PRH1: variants seen among roughly 807,000 people sequenced by gnomAD.
The protein encoded by PRH1 is proline rich protein HaeIII subfamily 1.
Under a neutral mutation model 7.9 loss-of-function variants are expected in PRH1, and 7 were observed. That is an observed-to-expected ratio of 0.89 (90% CI 0.50 to 1.67). The LOEUF is 1.67. PRH1 is among the 40% of genes most tolerant of loss of function. The pLI, the probability that PRH1 is intolerant of heterozygous loss-of-function variation, is 0.00. For synonymous variants in PRH1, 45 were observed against 80.8 expected, an observed-to-expected ratio of 0.56 and a Z score of 2.38; for missense variants, 109 against 223.6, an observed-to-expected ratio of 0.49 and a Z score of 3.27.
At chr12:11,078,120 G>C in intron 1 of PRH1, 2 of 618,806 alleles carry the variant, frequency 3.2e-6, no homozygotes, top group Admixed American at 4.5e-5. Context: ...CAGCTGAGGA[G>C]ATCTTTCGTG....
chr12:11,134,125 C>CAA (rs771093086), intron 1 of PRH1: 2 of 1,614,014 alleles, frequency 1.2e-6, no homozygotes, highest in East Asian at 4.5e-5. Flanking sequence ...CAAAGGAGAT[C>CAA]TTTTGTCTCT....
intron 2 of PRH1, among the ~76,000 whole-genome samples, chr12:10,926,650 G>C (rs555317541): frequency 6.6e-6 from 1 of 152,190 alleles, no homozygotes; most frequent in Non-Finnish European, 1.5e-5. Context: ...CTCCAGGAGA[G>C]AGCATTGTGG....
intron 2 of PRH1, among the ~76,000 whole-genome samples, chr12:10,949,230 C>T (rs550435003): frequency 6.6e-6 from 1 of 152,168 alleles, no homozygotes; most frequent in Non-Finnish European, 1.5e-5. Flanking sequence ...TCAGCAAACA[C>T]TCAGTGCAGT....
At chr12:10,961,312 G>A (rs115944869) in intron 2 of PRH1, among the ~76,000 whole-genome samples, 2,354 of 150,964 alleles carry the variant, frequency 0.016, 76 homozygotes, top group South Asian at 0.031. Context: ...AGGAGATTGA[G>A]AAGAGGTGCC....
chr12:11,166,057 A>C (rs1947569320), intron 1 of PRH1: 2 of 152,264 alleles, frequency 1.3e-5, no homozygotes, highest in African/African-American at 2.4e-5. Context: ...CCACAACAAG[A>C]AAAACTGCCT....
At chr12:10,905,214 A>ATT (rs113928687) in intron 2 of PRH1, among the ~76,000 whole-genome samples, 3 of 144,540 alleles carry the variant, frequency 2.1e-5, no homozygotes, top group Non-Finnish European at 3.1e-5. Context: ...GGTCTAATCC[A>ATT]TTTTTTTTTT....
chr12:10,895,237 A>G (rs1293652717), intron 2 of PRH1: 1 of 152,198 alleles, frequency 6.6e-6, no homozygotes, highest in Non-Finnish European at 1.5e-5. Flanking sequence ...AATAAATACC[A>G]TGTAGCTTCA....
At chr12:11,090,118 C>T (rs1944829384) in intron 1 of PRH1, among the ~76,000 whole-genome samples, 1 of 116,050 alleles carries the variant, frequency 8.6e-6, no homozygotes, top group Non-Finnish European at 2.0e-5. Context: ...CAGGACTGTA[C>T]ATTTCTTTCT....
chr12:11,001,572 G>C (rs928696468), intron 1 of PRH1, among the ~76,000 whole-genome samples: 1 of 152,108 alleles, frequency 6.6e-6, no homozygotes, highest in Non-Finnish European at 1.5e-5. Flanking sequence ...GCACAACTCT[G>C]AAGCAAAGTG....
chr12:10,882,030 A>T (rs1038077621), intron 3 of PRH1, among the ~76,000 whole-genome samples, 187 bp downstream of exon 3: 2 of 152,236 alleles, frequency 1.3e-5, no homozygotes, highest in Non-Finnish European at 2.9e-5. Flanking sequence ...ATTGCCTTCA[A>T]GAGCTTCTGT....
upstream of PRH1, among the ~76,000 whole-genome samples, chr12:11,050,861 T>C (rs912608830): frequency 6.6e-6 from 1 of 152,240 alleles, no homozygotes; most frequent in Non-Finnish European, 1.5e-5. Context: ...CCATTCACCG[T>C]GAGAACATCA....
chr12:11,134,214 T>C (rs1209946015), intron 1 of PRH1: 1 of 1,612,858 alleles, frequency 6.2e-7, no homozygotes, highest in Non-Finnish European at 8.5e-7. Flanking sequence ...ACTATTAGAA[T>C]GGAAAAAATG....
At chr12:10,914,208 A>G (rs190050662) in intron 2 of PRH1, among the ~76,000 whole-genome samples, 1 of 152,326 alleles carries the variant, frequency 6.6e-6, no homozygotes, top group East Asian at 1.9e-4. Context: ...GAAAAAAAAT[A>G]TAATTGAATA....
At position 11,089,780 on chromosome 12, in the gene PRH1, T is replaced by C. The variant is rs1421085334; in HGVS notation, n.124-42592A>G. On this transcript the variant is annotated intron_variant and non_coding_transcript_variant, in intron 1 of 4. Coordinates refer to the PRH1 transcript ENST00000541977. Reference sequence around the variant, plus strand: ...TTCAAATAGACCAAAGTTGTTTATATGATTTTTCAAACTATTGTAATAGGT... The same window carrying C: ...TTCAAATAGACCAAAGTTGTTTATACGATTTTTCAAACTATTGTAATAGGT... Among the ~76,000 whole-genome samples, 5 of 86,210 alleles carry C rather than the reference T, an allele frequency of 5.8e-5. 1 individual carries two copies. Among genetic ancestry groups the C allele is most frequent in the Non-Finnish European group, 1.2e-4 (4 of 34,360 alleles). The allele number at this position is 86,210 out of a possible 152,430, so 56.6% of individuals were successfully genotyped here.
intron 1 of PRH1, among the ~76,000 whole-genome samples, chr12:11,046,733 T>C (rs1439540711): frequency 6.6e-6 from 1 of 152,218 alleles, no homozygotes; most frequent in Non-Finnish European, 1.5e-5. Flanking sequence ...ATGGGTTTTA[T>C]TTGATCTTTA....
intron 2 of PRH1, among the ~76,000 whole-genome samples, chr12:10,957,617 A>T (rs1441325979): frequency 6.6e-6 from 1 of 152,192 alleles, no homozygotes; most frequent in Non-Finnish European, 1.5e-5. Flanking sequence ...AACTATCAAC[A>T]GAGTAAACAG....
chr12:11,145,026 T>G (rs1397512267), intron 1 of PRH1, among the ~76,000 whole-genome samples: 1 of 152,158 alleles, frequency 6.6e-6, no homozygotes, highest in Non-Finnish European at 1.5e-5. Flanking sequence ...GTTCTTGCAG[T>G]GGATTTGTAG....
intron 1 of PRH1, among the ~76,000 whole-genome samples, chr12:11,065,355 C>G (rs1943762588): frequency 1.3e-5 from 2 of 151,612 alleles, no homozygotes; most frequent in Admixed American, 6.6e-5. Context: ...AACTGATACA[C>G]TTTACCACTT....
At chr12:11,148,561 T>C (rs1163984927) in intron 1 of PRH1, among the ~76,000 whole-genome samples, 1 of 147,430 alleles carries the variant, frequency 6.8e-6, no homozygotes, top group African/African-American at 2.5e-5. Context: ...GTTTTTGTCT[T>C]TGGTTCTGTT....
Sources: gnomAD v4.1 joint callset for allele counts (sites outside exome capture counted in the v4.1 genomes callset) on GRCh38, gnomAD v4.1.1 for gene constraint, MANE v1.5 for transcripts, NCBI Gene and HGNC (gene_info 2026-07-23, HGNC 2026-07-21) for gene names.